Variants in GLIS3 observed in about 807,000 individuals in gnomAD.
The protein encoded by GLIS3 is GLIS family zinc finger 3, also known as zinc finger protein GLIS3.
In GLIS3, 53 loss-of-function variants were observed where a neutral mutation model predicts 78.6. The observed-to-expected ratio is 0.67, with a 90% CI of 0.54 to 0.85. The LOEUF (loss-of-function observed/expected upper bound fraction) is 0.85. GLIS3 is among the 40% of genes least tolerant of loss of function. GLIS3 has a pLI of 0.00. For missense variants in GLIS3, 1,703 were observed against 1,231.1 expected (o/e 1.38, Z -5.74); for synonymous variants, 684 against 509.9 (o/e 1.34, Z -4.60).
chr9:4,363,210 G>A, the GLIS3 span, among the ~76,000 whole-genome samples: 1 of 152,248 alleles, frequency 6.6e-6, no homozygotes, highest in East Asian at 1.9e-4. Context: ...GTCACTTGAG[G>A]TCAGGAGTTC....
At chr9:4,417,769 C>T in the GLIS3 span, among the ~76,000 whole-genome samples, 1 of 152,210 alleles carries the variant, frequency 6.6e-6, no homozygotes, top group Non-Finnish European at 1.5e-5. Context: ...AACCAGGTAT[C>T]ATTGAACTTT....
At chr9:4,349,554 G>GA (rs974244802), upstream of GLIS3, among the ~76,000 whole-genome samples, 1 of 151,958 alleles carries the variant, frequency 6.6e-6, no homozygotes, top group African/African-American at 2.4e-5. Flanking sequence ...GACCAAAAAG[G>GA]AAAAAAATAC....
chr9:3,879,510 A>G lies in GLIS3; in HGVS notation c.2214T>C (p.Ser738=). 6.2e-7 allele frequency: 1 copy of G among 1,614,078 alleles called. No homozygotes were observed. Among genetic ancestry groups the G allele is most frequent in the Non-Finnish European group, 8.5e-7 (1 of 1,179,984 alleles). ...GGCTCCCCTGTACATTATGTCCTGGAGAAGGGTGACTGACAGGATGTGGGG... is the reference window on the plus strand; with the variant it reads ...GGCTCCCCTGTACATTATGTCCTGGGGAAGGGTGACTGACAGGATGTGGGG... ...VPPPHPVSHP[S]PGHNVQGSPH... Residue 738 remains serine, a synonymous_variant, in exon 8 of 11, where the codon TCT becomes TCC. Transcript: ENST00000381971.
chr9:4,347,755 G>C (rs1449129449), intron 1 of GLIS3, among the ~76,000 whole-genome samples: 1 of 151,938 alleles, frequency 6.6e-6, no homozygotes, highest in Non-Finnish European at 1.5e-5. Flanking sequence ...GGTGGGGGTT[G>C]GGGGAGTCTA....
At chr9:4,455,672 T>C in the GLIS3 span, among the ~76,000 whole-genome samples, 1 of 152,202 alleles carries the variant, frequency 6.6e-6, no homozygotes, top group African/African-American at 2.4e-5. Context: ...TGATCAATAA[T>C]GGGACATTGA....
At chr9:3,923,334 C>T (rs1825014791) in intron 6 of GLIS3, among the ~76,000 whole-genome samples, 1 of 152,096 alleles carries the variant, frequency 6.6e-6, no homozygotes, top group South Asian at 2.1e-4. Context: ...TCTCAATAGC[C>T]AATAAATGAC....
chr9:4,332,011 T>A (rs968645294), intron 2 of GLIS3, among the ~76,000 whole-genome samples: 27 of 152,198 alleles, frequency 1.8e-4, no homozygotes, highest in African/African-American at 6.0e-4. Flanking sequence ...CTTATGTACT[T>A]AAAGACAGAA....
At chr9:4,418,907 G>C in the GLIS3 span, among the ~76,000 whole-genome samples, 1 of 152,194 alleles carries the variant, frequency 6.6e-6, no homozygotes, top group African/African-American at 2.4e-5. Context: ...CCTTCTTCAA[G>C]TTGCTGCCCT....
chr9:4,240,025 AT>A (rs201760047), intron 2 of GLIS3, among the ~76,000 whole-genome samples: 49 of 151,082 alleles, frequency 3.2e-4, no homozygotes, highest in African/African-American at 1.2e-3. Flanking sequence ...ATTTAACTTG[AT>A]TTTTTTTTCA....
At chr9:4,429,296 A>C in the GLIS3 span, among the ~76,000 whole-genome samples, 1 of 150,320 alleles carries the variant, frequency 6.7e-6, no homozygotes, top group African/African-American at 2.5e-5. Context: ...TTTGGCCCCT[A>C]CCTCCCTCTC....
At chr9:4,274,969 T>G (rs954808393) in intron 2 of GLIS3, among the ~76,000 whole-genome samples, 1 of 152,208 alleles carries the variant, frequency 6.6e-6, no homozygotes, top group Non-Finnish European at 1.5e-5. Flanking sequence ...ATTACAAACT[T>G]TTTACGTCTT....
At chr9:4,465,576 AAAT>A in the GLIS3 span, among the ~76,000 whole-genome samples, 1 of 152,168 alleles carries the variant, frequency 6.6e-6, no homozygotes, top group Non-Finnish European at 1.5e-5. Flanking sequence ...AAAAGATAAT[AAAT>A]AATAATTCTT....
chr9:4,324,523 G>A (rs554816039), intron 2 of GLIS3, among the ~76,000 whole-genome samples: 6 of 152,224 alleles, frequency 3.9e-5, no homozygotes, highest in Admixed American at 6.5e-5. Flanking sequence ...GTTACATTAT[G>A]GTAGTTATTA....
chr9:4,113,974 T>G (rs1056256759), intron 4 of GLIS3, among the ~76,000 whole-genome samples: 7 of 151,922 alleles, frequency 4.6e-5, no homozygotes, highest in Middle Eastern at 3.2e-3. Context: ...TTTTTGCCAT[T>G]GGATAAAATT....
At chr9:4,015,960 A>T (rs977538515) in intron 4 of GLIS3, among the ~76,000 whole-genome samples, 2 of 151,906 alleles carry the variant, frequency 1.3e-5, no homozygotes, top group Non-Finnish European at 2.9e-5. Flanking sequence ...CGTCATAAAT[A>T]GGAATTTGGT....
chr9:4,351,342 C>T (rs1342965708), upstream of GLIS3, among the ~76,000 whole-genome samples: 1 of 147,756 alleles, frequency 6.8e-6, no homozygotes, highest in Non-Finnish European at 1.5e-5. Context: ...GAGGTTGAAG[C>T]TTCAGTGAAC....
chr9:3,863,576 T>C (rs764181896), intron 8 of GLIS3, among the ~76,000 whole-genome samples: 20 of 152,130 alleles, frequency 1.3e-4, no homozygotes, highest in Non-Finnish European at 2.5e-4. Context: ...ATTCATAAGG[T>C]TGGAAAAGAC....
the GLIS3 span, among the ~76,000 whole-genome samples, chr9:4,387,287 C>T: frequency 6.6e-6 from 1 of 151,828 alleles, no homozygotes; most frequent in Non-Finnish European, 1.5e-5. Flanking sequence ...AAACAATGGC[C>T]TCCCAGAATT....
intron 1 of GLIS3, among the ~76,000 whole-genome samples, chr9:4,295,125 G>A (rs1816367131): frequency 1.3e-5 from 2 of 152,090 alleles, no homozygotes; most frequent in Non-Finnish European, 2.9e-5. Context: ...GGTGAACAAT[G>A]AAAAATCCCA....
Sources: allele counts gnomAD v4.1 joint callset (sites outside exome capture counted in the v4.1 genomes callset), GRCh38; gene constraint gnomAD v4.1.1; transcripts MANE v1.5; gene names NCBI Gene and HGNC (gene_info 2026-07-23, HGNC 2026-07-21).